FBLN2: variants seen among roughly 807,000 people sequenced by gnomAD.
FBLN2 encodes fibulin-2.
FBLN2 carries 81 observed loss-of-function variants against 123.7 expected under a neutral mutation model. That is an observed-to-expected ratio of 0.65 (90% CI 0.55 to 0.79). The LOEUF (loss-of-function observed/expected upper bound fraction) is 0.79, where lower values mean the gene tolerates loss of function less well. FBLN2 is among the 30% of genes least tolerant of loss of function. The pLI is 0.00. For synonymous variants in FBLN2, 699 were observed against 701.4 expected (o/e 1.00, Z 0.05); for missense variants, 1,603 against 1,681.3 (o/e 0.95, Z 0.81).
At chr3:13,611,515 A>G (rs952871329) in intron 4 of FBLN2, among the ~76,000 whole-genome samples, 1 of 152,164 alleles carries the variant, frequency 6.6e-6, no homozygotes, top group Non-Finnish European at 1.5e-5. Context: ...ATGTAAGTGG[A>G]ATTATACAGT....
intron 2 of FBLN2, among the ~76,000 whole-genome samples, chr3:13,577,328 A>G (rs1012265746): frequency 6.6e-6 from 1 of 151,932 alleles, no homozygotes; most frequent in Non-Finnish European, 1.5e-5. Flanking sequence ...GGAGCGAGCC[A>G]CGCGTGCACC....
chr3:13,551,434 C>T (rs558839346), intron 1 of FBLN2, among the ~76,000 whole-genome samples: 12 of 152,276 alleles, frequency 7.9e-5, no homozygotes, highest in Non-Finnish European at 1.5e-4. Context: ...TCCCAGATCC[C>T]GACATCCCTC....
intron 1 of FBLN2, 103 bp from the exon 2 acceptor site, chr3:13,570,212 G>A (rs1016282618): frequency 3.1e-6 from 4 of 1,281,622 alleles, no homozygotes; most frequent in African/African-American, 3.0e-5. Context: ...GCGCATGCGT[G>A]TGAGGTGGCT....
At chr3:13,610,844 C>T (rs369316668) in intron 4 of FBLN2, among the ~76,000 whole-genome samples, 238 of 152,134 alleles carry the variant, frequency 1.6e-3, no homozygotes, top group Middle Eastern at 0.01. Context: ...TCATTTGCCA[C>T]CTCTTGGTCC....
chr3:13,556,135 A>G (rs1703457510), intron 1 of FBLN2, among the ~76,000 whole-genome samples: 1 of 152,036 alleles, frequency 6.6e-6, no homozygotes, highest in Non-Finnish European at 1.5e-5. Context: ...GTGCCCTAAG[A>G]CTGTCCTGGC....
intron 1 of FBLN2, among the ~76,000 whole-genome samples, chr3:13,554,320 C>T (rs1439272850): frequency 6.6e-6 from 1 of 152,178 alleles, no homozygotes; most frequent in African/African-American, 2.4e-5. Context: ...ATCGGGGTAC[C>T]CCAGTGCTTG....
intron 2 of FBLN2, among the ~76,000 whole-genome samples, chr3:13,591,330 C>G (rs144953014): frequency 6.6e-6 from 1 of 152,366 alleles, no homozygotes; most frequent in South Asian, 2.1e-4. Context: ...CCTTTTTACT[C>G]TCTTAATAAA....
intron 5 of FBLN2, among the ~76,000 whole-genome samples, chr3:13,617,042 G>A (rs904876240): frequency 6.6e-6 from 1 of 152,196 alleles, no homozygotes; most frequent in African/African-American, 2.4e-5. Context: ...ATCTGACCCT[G>A]TCCTATTGTA....
chr3:13,558,378 C>T (rs4684954), intron 1 of FBLN2, among the ~76,000 whole-genome samples: 124,812 of 151,592 alleles, frequency 0.82, 51,583 homozygotes, highest in East Asian at 1. Context: ...CCACTCCCCC[C>T]ACCCCGCCAC....
intron 6 of FBLN2, among the ~76,000 whole-genome samples, chr3:13,618,602 G>A (rs1705718261): frequency 6.6e-6 from 1 of 152,210 alleles, no homozygotes; most frequent in South Asian, 2.1e-4. Context: ...GTGATCCTGA[G>A]GGATTTCCTC....
intron 2 of FBLN2, among the ~76,000 whole-genome samples, chr3:13,588,281 G>A (rs887983631): frequency 2.6e-5 from 4 of 152,192 alleles, no homozygotes; most frequent in Non-Finnish European, 5.9e-5. Context: ...ATGCAGCCCA[G>A]GTGTGTAGTA....
intron 1 of FBLN2, among the ~76,000 whole-genome samples, chr3:13,551,724 T>C (rs1703328493): frequency 1.3e-5 from 2 of 152,130 alleles, no homozygotes; most frequent in Admixed American, 1.3e-4. Flanking sequence ...TGCAGCAAAT[T>C]CGGGCCTAAG....
At chr3:13,558,432 G>A (rs555976019) in intron 1 of FBLN2, among the ~76,000 whole-genome samples, 28 of 152,034 alleles carry the variant, frequency 1.8e-4, no homozygotes, top group Non-Finnish European at 2.9e-4. Flanking sequence ...AAAGGCGGAC[G>A]CAGGAGTGAA....
intron 16 of FBLN2, 117 bp downstream of exon 16, chr3:13,631,574 A>C: frequency 8.0e-7 from 1 of 1,255,276 alleles, no homozygotes; most frequent in Non-Finnish European, 1.1e-6. Context: ...CCAGTGAATA[A>C]ATGCAGGATG....
intron 2 of FBLN2, among the ~76,000 whole-genome samples, chr3:13,604,337 G>A (rs1260863526): frequency 6.6e-6 from 1 of 152,058 alleles, no homozygotes; most frequent in Admixed American, 6.5e-5. Flanking sequence ...GTATTGCCTA[G>A]GTTTTCTTCT....
chr3:13,628,364 T>A (rs1401916327), intron 11 of FBLN2, among the ~76,000 whole-genome samples: 1 of 152,142 alleles, frequency 6.6e-6, no homozygotes, highest in Non-Finnish European at 1.5e-5. Context: ...CCCCACACAG[T>A]ACTGCATGTG....
chr3:13,559,737 A>G lies in FBLN2; in HGVS notation c.-42+10529A>G, dbSNP rs112507559. On this transcript the variant is annotated intron_variant, in intron 1 of 17. Coordinates refer to ENST00000404922, the MANE Select transcript of FBLN2 (RefSeq NM_001004019.2). ...TGGTGGAGCTGGGTGTGTATTATCC[A>G]TAGCTTTTTGCACATTCTCCAGGGG... Among the ~76,000 whole-genome samples, 757 of 152,344 alleles carry G rather than the reference A, an allele frequency of 5.0e-3. 11 individuals are homozygous for G. Among genetic ancestry groups the G allele is most frequent in the African/African-American group, 0.017 (709 of 41,574 alleles).
In FBLN2 at chr3:13,631,315, C is replaced by T. The variant is rs920685825; in HGVS notation, c.3086-14C>T. 3.9e-5 allele frequency: 63 copies of T among 1,599,028 alleles called. No individual in the cohort carries two copies. The highest frequency in any genetic ancestry group is 1.6e-4 in the Middle Eastern group (1 of 6,072). On this transcript the variant is annotated splice_polypyrimidine_tract_variant and intron_variant, in intron 15 of 17. Transcript: ENST00000404922. Reference sequence around the variant, plus strand: ...TGGACGAGGTTCACCAGGGGCTGAACCTCTCTCTGACAGACATCGACGAGT... The same window carrying T: ...TGGACGAGGTTCACCAGGGGCTGAATCTCTCTCTGACAGACATCGACGAGT...
At chr3:13,613,739 G>C (rs1346829407) in intron 4 of FBLN2, among the ~76,000 whole-genome samples, 1 of 152,196 alleles carries the variant, frequency 6.6e-6, no homozygotes, top group Non-Finnish European at 1.5e-5. Flanking sequence ...GAGTGTGGCT[G>C]GGGGGTTATA....
Sources: gnomAD v4.1 joint callset for allele counts (sites outside exome capture counted in the v4.1 genomes callset) on GRCh38, gnomAD v4.1.1 for gene constraint, MANE v1.5 for transcripts, NCBI Gene and HGNC (gene_info 2026-07-23, HGNC 2026-07-21) for gene names.